Variants in CACHD1 observed in about 807,000 individuals in gnomAD.
The protein encoded by CACHD1 is VWFA and cache domain-containing protein 1.
A neutral mutation model predicts 138.7 loss-of-function variants in CACHD1; 71 were observed. The observed-to-expected ratio is 0.51, with a 90% CI of 0.42 to 0.62. The LOEUF (loss-of-function observed/expected upper bound fraction) is 0.62. Ranked by LOEUF, CACHD1 falls within the 20% of genes least tolerant of loss-of-function variation. CACHD1 has a pLI of 0.00. For missense variants in CACHD1, 1,389 were observed against 1,625.3 expected (o/e 0.85, Z 2.50); for synonymous variants, 578 against 591.5 (o/e 0.98, Z 0.33).
chr1:64,612,538 G>A (rs1647572911), intron 4 of CACHD1, among the ~76,000 whole-genome samples: 1 of 152,096 alleles, frequency 6.6e-6, no homozygotes, highest in South Asian at 2.1e-4. Context: ...GTAGTATATA[G>A]AACAATACTC....
At chr1:64,532,087 A>C (rs1646591757) in intron 1 of CACHD1, among the ~76,000 whole-genome samples, 1 of 152,224 alleles carries the variant, frequency 6.6e-6, no homozygotes, top group Non-Finnish European at 1.5e-5. Flanking sequence ...CAATGCATAA[A>C]GATCAGAATA....
At chr1:64,598,632 A>G (rs1647180764) in intron 3 of CACHD1, among the ~76,000 whole-genome samples, 1 of 152,126 alleles carries the variant, frequency 6.6e-6, no homozygotes, top group Admixed American at 6.5e-5. Context: ...TTTTAGAGAG[A>G]ATTGAGAATT....
rs1352182940 is a variant in CACHD1 at position 64,565,859 on chromosome 1, GGCA to G, written c.261+15205_261+15207del. Among the ~76,000 whole-genome samples, 11 of 152,252 alleles carry G rather than the reference GGCA, an allele frequency of 7.2e-5. No individual in the cohort carries two copies. The South Asian group carries it at 2.3e-3, about 32-fold the overall frequency. On this transcript the variant is annotated intron_variant, in intron 2 of 26. Coordinates refer to ENST00000651257, the MANE Select transcript of CACHD1 (RefSeq NM_020925.4). ...TGTTCAAGACCTCAGAAATGAATGT[GGCA>G]GTGACCAGATGTTTAATCCAAGTTT... is the stretch of plus-strand genomic sequence containing the variant.
chr1:64,579,501 A>G (rs1646995016), intron 2 of CACHD1, among the ~76,000 whole-genome samples: 4 of 152,326 alleles, frequency 2.6e-5, no homozygotes, highest in South Asian at 4.1e-4. Flanking sequence ...TATGTTCATT[A>G]TGTTACAAAA....
At chr1:64,659,032 T>C (rs1394069463) in intron 13 of CACHD1, among the ~76,000 whole-genome samples, 159 bp downstream of exon 13, 1 of 152,172 alleles carries the variant, frequency 6.6e-6, no homozygotes. Context: ...AAGCCTGGCC[T>C]CAAATCAGAT....
intron 4 of CACHD1, among the ~76,000 whole-genome samples, chr1:64,627,405 T>C (rs1648147776): frequency 6.6e-6 from 1 of 152,058 alleles, no homozygotes; most frequent in Admixed American, 6.6e-5. Context: ...AGACCCTGTC[T>C]CAAAAAAATT....
chr1:64,669,701 T>C (rs1649753305), intron 16 of CACHD1, among the ~76,000 whole-genome samples: 1 of 152,040 alleles, frequency 6.6e-6, no homozygotes, highest in Non-Finnish European at 1.5e-5. Flanking sequence ...ATTTTTTTTT[T>C]TCCAGTATCA....
chr1:64,531,733 G>C (rs1195540825), intron 1 of CACHD1, among the ~76,000 whole-genome samples: 1 of 152,178 alleles, frequency 6.6e-6, no homozygotes, highest in African/African-American at 2.4e-5. Context: ...CTCAAACATG[G>C]AGAAGCGTTT....
chr1:64,525,653 G>A (rs1646532738), intron 1 of CACHD1, among the ~76,000 whole-genome samples: 1 of 152,152 alleles, frequency 6.6e-6, no homozygotes, highest in Admixed American at 6.5e-5. Flanking sequence ...AAATATAAAG[G>A]TCATCTCCAC....
At chr1:64,612,531 G>A (rs1366914549) in intron 4 of CACHD1, among the ~76,000 whole-genome samples, 1 of 152,176 alleles carries the variant, frequency 6.6e-6, no homozygotes, top group Non-Finnish European at 1.5e-5. Flanking sequence ...CTAGGTAGTA[G>A]TATATAGAAC....
At chr1:64,536,147 A>G (rs1646631319) in intron 1 of CACHD1, among the ~76,000 whole-genome samples, 1 of 152,192 alleles carries the variant, frequency 6.6e-6, no homozygotes, top group Admixed American at 6.5e-5. Flanking sequence ...ATTTTAGAAC[A>G]TTTTTCATCA....
chr1:64,658,992 G>A, intron 13 of CACHD1, 119 bp downstream of exon 13: 1 of 841,082 alleles, frequency 1.2e-6, no homozygotes, highest in South Asian at 2.4e-5. Context: ...GAGTCAGCTG[G>A]TTTGGGGATA....
Position 64,470,731 on chromosome 1 carries a change from T to A in CACHD1, c.-14T>A, listed in dbSNP as rs1004791882. 25 of 545,016 alleles carry A rather than the reference T, an allele frequency of 4.6e-5. No homozygotes were observed. Among genetic ancestry groups the A allele is most frequent in the Non-Finnish European group, 7.3e-5 (24 of 330,436 alleles). The allele number at this position is 545,016 out of a possible 1,614,324, so 33.8% of individuals were successfully genotyped here. On this transcript the variant is annotated 5_prime_UTR_variant, in exon 1 of 27. Coordinates refer to ENST00000651257, the MANE Select transcript of CACHD1 (RefSeq NM_020925.4). This position sits in a 1 kb window ranked among gnomAD's most constrained non-coding sequence, Gnocchi z 5.2. The stretch of plus-strand genomic sequence containing the variant: ...GCGCCCGGAGCCCGTCGGCGGGGAG[T>A]GGGGGGAGGCAGCATGGCCCGCCAG...
rs115402977 is a variant in CACHD1 at position 64,489,904 on chromosome 1, T to C, written c.198+18962T>C. Among the ~76,000 whole-genome samples the C allele has an allele frequency of 9.6e-3, 1,464 of 152,330 alleles. 24 individuals are homozygous for C. Among genetic ancestry groups the C allele is most frequent in the African/African-American group, 0.034 (1,405 of 41,560 alleles). ...TTATAATATTATTAGTTCCTATTTA[T>C]TGAGCATTTACTATGCACTGCATAC... is the stretch of plus-strand genomic sequence containing the variant. On this transcript the variant is annotated intron_variant, in intron 1 of 26. Transcript: ENST00000651257.
At chr1:64,671,849 C>T (rs185348302) in intron 17 of CACHD1, among the ~76,000 whole-genome samples, 163 bp downstream of exon 17, 1 of 152,220 alleles carries the variant, frequency 6.6e-6, no homozygotes, top group Admixed American at 6.5e-5. Context: ...TCTCTTCTTT[C>T]GTTTTTCTGA....
chr1:64,635,765 A>G (rs980220709), intron 7 of CACHD1, among the ~76,000 whole-genome samples: 1 of 152,152 alleles, frequency 6.6e-6, no homozygotes, highest in Non-Finnish European at 1.5e-5. Flanking sequence ...AATGGGGCTC[A>G]TGCTTTGAAA....
intron 1 of CACHD1, among the ~76,000 whole-genome samples, chr1:64,544,252 G>A (rs1557485481): frequency 6.6e-6 from 1 of 152,098 alleles, no homozygotes; most frequent in African/African-American, 2.4e-5. Flanking sequence ...ATCAGGGAGG[G>A]AGACCCAGAG....
At chr1:64,558,939 A>C (rs1262320447) in intron 2 of CACHD1, among the ~76,000 whole-genome samples, 3 of 152,222 alleles carry the variant, frequency 2.0e-5, no homozygotes, top group Non-Finnish European at 4.4e-5. Flanking sequence ...TCAGAACCAC[A>C]ATGAGATACC....
chr1:64,479,222 T>G (rs1358038283), intron 1 of CACHD1, among the ~76,000 whole-genome samples: 1 of 152,236 alleles, frequency 6.6e-6, no homozygotes, highest in Non-Finnish European at 1.5e-5. Context: ...TCATAATGAC[T>G]TCAACACAGA....
Sources: allele counts gnomAD v4.1 joint callset (sites outside exome capture counted in the v4.1 genomes callset), GRCh38; gene constraint gnomAD v4.1.1; non-coding constraint Gnocchi (gnomAD v3.1); transcripts MANE v1.5; gene names NCBI Gene and HGNC (gene_info 2026-07-23, HGNC 2026-07-21).